The following TAFA4 variants were observed in gnomAD, a reference collection of about 807,000 sequenced individuals.
TAFA4 encodes the protein TAFA chemokine like family member 4.
In TAFA4, 20 loss-of-function variants were observed where a neutral mutation model predicts 21.1. The observed-to-expected ratio is 0.95, with a 90% CI of 0.67 to 1.38. The LOEUF is 1.38. Ranked by LOEUF, TAFA4 falls within the 40% of genes most tolerant of loss-of-function variation. TAFA4 has a pLI of 0.00. For missense variants in TAFA4, 211 were observed against 180.9 expected (o/e 1.17, Z -0.95); for synonymous variants, 71 against 67.4 (o/e 1.05, Z -0.26).
chr3:68,808,351 T>C (rs890196958), intron 3 of TAFA4, among the ~76,000 whole-genome samples: 2 of 152,150 alleles, frequency 1.3e-5, no homozygotes, highest in African/African-American at 4.8e-5. Context: ...ACCTCTCTAA[T>C]CCATCCTTCT....
intron 3 of TAFA4, among the ~76,000 whole-genome samples, chr3:68,759,425 G>A (rs1421137160): frequency 1.3e-5 from 2 of 152,138 alleles, no homozygotes; most frequent in African/African-American, 2.4e-5. Context: ...ATTGTAGGAT[G>A]GGAGAAAAAT....
chr3:68,885,324 G>GA lies in TAFA4; in HGVS notation c.-122-15_-122-14insT. 3.2e-6 allele frequency: 2 copies of GA among 626,810 alleles called. No individual in the cohort carries two copies. Among genetic ancestry groups the GA allele is most frequent in the Non-Finnish European group, 5.3e-6 (2 of 379,632 alleles). The allele number at this position is 626,810 out of a possible 1,614,324, so 38.8% of individuals were successfully genotyped here. ...AGCTCAGAAGACCTATGTTAAAAAG[G>GA]CCAAAAAAAAAAAAGGAATCAATTA... On this transcript the variant is annotated splice_polypyrimidine_tract_variant and intron_variant, in intron 1 of 5. Coordinates refer to ENST00000295569, the MANE Select transcript of TAFA4 (RefSeq NM_182522.5).
intron 2 of TAFA4, among the ~76,000 whole-genome samples, chr3:68,882,434 C>T (rs2089629315): frequency 2.0e-5 from 3 of 152,168 alleles, no homozygotes; most frequent in African/African-American, 7.2e-5. Context: ...CCCGGGCTCA[C>T]ATTTCCACAT....
At chr3:68,836,126 A>C (rs1477740407) in intron 3 of TAFA4, among the ~76,000 whole-genome samples, 1 of 152,236 alleles carries the variant, frequency 6.6e-6, no homozygotes, top group East Asian at 1.9e-4. Flanking sequence ...TATAATACCC[A>C]ATCTCCCGCT....
At chr3:68,899,808 A>T (rs1270905231) in intron 1 of TAFA4, among the ~76,000 whole-genome samples, 1 of 152,202 alleles carries the variant, frequency 6.6e-6, no homozygotes, top group Non-Finnish European at 1.5e-5. Context: ...TATGCCTTCA[A>T]GGTATTAAAT....
At chr3:68,869,824 CT>C (rs922958581) in intron 3 of TAFA4, among the ~76,000 whole-genome samples, 2 of 151,880 alleles carry the variant, frequency 1.3e-5, no homozygotes, top group African/African-American at 4.8e-5. Flanking sequence ...AAATTTACCA[CT>C]TTTTTTCAAC....
intron 3 of TAFA4, among the ~76,000 whole-genome samples, chr3:68,790,566 GA>G (rs1344073262): frequency 7.2e-5 from 11 of 152,194 alleles, no homozygotes; most frequent in Non-Finnish European, 1.6e-4. Context: ...ATACTCAAAT[GA>G]GTCATGTTAT....
intron 3 of TAFA4, among the ~76,000 whole-genome samples, chr3:68,767,282 G>A (rs1702872818): frequency 6.6e-6 from 1 of 152,080 alleles, no homozygotes; most frequent in Admixed American, 6.6e-5. Flanking sequence ...AGGAATCAAG[G>A]AATCCAATTC....
intron 3 of TAFA4, among the ~76,000 whole-genome samples, chr3:68,837,912 T>C (rs1704559665): frequency 6.6e-6 from 1 of 152,126 alleles, no homozygotes; most frequent in African/African-American, 2.4e-5. Flanking sequence ...TTCAACTATA[T>C]CTATGGTATA....
chr3:68,749,890 G>A (rs1033783078), intron 4 of TAFA4, among the ~76,000 whole-genome samples: 1 of 152,122 alleles, frequency 6.6e-6, no homozygotes, highest in Admixed American at 6.5e-5. Flanking sequence ...GGTGGCTAAT[G>A]GCTACTAGCC....
chr3:68,881,296 T>G (rs780575879), intron 2 of TAFA4, among the ~76,000 whole-genome samples: 3 of 152,232 alleles, frequency 2.0e-5, no homozygotes, highest in Admixed American at 6.5e-5. Context: ...TAAGGCTTTC[T>G]GGTCTGGAAG....
intron 1 of TAFA4, among the ~76,000 whole-genome samples, 179 bp downstream of exon 1, chr3:68,932,061 G>A (rs1023531601): frequency 6.6e-6 from 1 of 152,090 alleles, no homozygotes; most frequent in African/African-American, 2.4e-5. Flanking sequence ...GCCGACCTCA[G>A]CACAGGCACT....
chr3:68,913,463 G>A (rs895439175), intron 1 of TAFA4: 1 of 152,184 alleles, frequency 6.6e-6, no homozygotes, highest in Non-Finnish European at 1.5e-5. Flanking sequence ...TGGAGGAGGT[G>A]GTACCGCCAG....
At chr3:68,898,991 G>A (rs1275125954) in intron 1 of TAFA4, among the ~76,000 whole-genome samples, 1 of 152,108 alleles carries the variant, frequency 6.6e-6, no homozygotes, top group Non-Finnish European at 1.5e-5. Flanking sequence ...ACTGAAGTTT[G>A]GACACTACAG....
chr3:68,751,693 C>A (rs1366124484), intron 4 of TAFA4, among the ~76,000 whole-genome samples: 3 of 152,106 alleles, frequency 2.0e-5, no homozygotes, highest in African/African-American at 7.2e-5. Flanking sequence ...CTTGAATTAA[C>A]ATGAAGTTCT....
intron 3 of TAFA4, among the ~76,000 whole-genome samples, chr3:68,831,769 A>C (rs933842066): frequency 9.9e-5 from 15 of 152,140 alleles, no homozygotes; most frequent in Admixed American, 9.8e-4. Context: ...TAATATCCTG[A>C]AGAGTGTTTT....
At chr3:68,795,685 A>G (rs984297181) in intron 3 of TAFA4, among the ~76,000 whole-genome samples, 13 of 152,212 alleles carry the variant, frequency 8.5e-5, no homozygotes, top group Admixed American at 7.8e-4. Flanking sequence ...AAAGATAAAG[A>G]AAAACTGAAT....
Position 68,881,561 on chromosome 3 carries a change from T to G in TAFA4, c.15-716A>C, listed in dbSNP as rs567839037. 2.6e-5 allele frequency among the ~76,000 whole-genome samples: 4 copies of G among 152,328 alleles called. No homozygotes were observed. In the East Asian group the frequency reaches 7.7e-4, roughly 29 times the overall value. The stretch of plus-strand genomic sequence containing the variant: ...GCCATTTTATAACATCAGAAGGGAA[T>G]TAAGTAGATAGAACTCGATTAACTT... On this transcript the variant is annotated intron_variant, in intron 2 of 5. Transcript: ENST00000295569.
chr3:68,784,423 T>C (rs1411953095), intron 3 of TAFA4, among the ~76,000 whole-genome samples: 1 of 152,082 alleles, frequency 6.6e-6, no homozygotes, highest in African/African-American at 2.4e-5. Flanking sequence ...TTCCTTCTGG[T>C]GGGTTCACGG....
Sources: gnomAD v4.1 joint callset for allele counts (sites outside exome capture counted in the v4.1 genomes callset) on GRCh38, gnomAD v4.1.1 for gene constraint, MANE v1.5 for transcripts, NCBI Gene and HGNC (gene_info 2026-07-23, HGNC 2026-07-21) for gene names.